Variants in HOMER2 observed in about 807,000 individuals in gnomAD.
HOMER2 encodes homer scaffold protein 2.
In HOMER2, 27 loss-of-function variants were observed where a neutral mutation model predicts 47.0. The observed-to-expected ratio is 0.57, with a 90% confidence interval of 0.42 to 0.79. HOMER2 has a LOEUF of 0.79. Ranked by LOEUF, HOMER2 falls within the 30% of genes least tolerant of loss-of-function variation. The pLI is 0.00. For synonymous variants in HOMER2, 161 were observed against 163.8 expected (o/e 0.98, Z 0.13); for missense variants, 443 against 435.0 (o/e 1.02, Z -0.16).
chr15:82,938,599 T>G (rs2054192136), intron 1 of HOMER2, among the ~76,000 whole-genome samples: 4 of 152,274 alleles, frequency 2.6e-5, no homozygotes, highest in Admixed American at 6.5e-5. Context: ...ATCCTCAACT[T>G]ATGAAACAAA....
chr15:82,911,149 C>T (rs998333580), intron 1 of HOMER2, among the ~76,000 whole-genome samples: 1 of 152,168 alleles, frequency 6.6e-6, no homozygotes, highest in African/African-American at 2.4e-5. Context: ...CTCAACCCTC[C>T]CATAGAGAAT....
At chr15:82,968,659 A>G (rs763614280) in intron 1 of HOMER2, among the ~76,000 whole-genome samples, 1 of 152,228 alleles carries the variant, frequency 6.6e-6, no homozygotes, top group Non-Finnish European at 1.5e-5. Context: ...CAGAACAAAA[A>G]GAGCTTTCCT....
chr15:82,952,507 A>AGCGCGCGGCGC, intron 1 of HOMER2, 24 bp downstream of exon 1: 1 of 1,186,414 alleles, frequency 8.4e-7, no homozygotes, highest in South Asian at 4.2e-5. Flanking sequence ...GCGCGCGGAG[A>AGCGCGCGGCGC]GCGCGCGGCG....
chr15:82,904,633 A>T (rs184791592), intron 1 of HOMER2, among the ~76,000 whole-genome samples: 1 of 152,316 alleles, frequency 6.6e-6, no homozygotes, highest in African/African-American at 2.4e-5. Context: ...AGCTAGAGGA[A>T]GGGAAATACC....
chr15:82,850,617 T>C (rs1237729049), intron 8 of HOMER2, among the ~76,000 whole-genome samples: 2 of 152,182 alleles, frequency 1.3e-5, no homozygotes, highest in Non-Finnish European at 2.9e-5. Flanking sequence ...TTTCTGAACA[T>C]GTGCACAGGA....
At chr15:82,973,400 A>C (rs140331372) in intron 1 of HOMER2, among the ~76,000 whole-genome samples, 204 of 152,292 alleles carry the variant, frequency 1.3e-3, no homozygotes, top group Non-Finnish European at 2.2e-3. Flanking sequence ...TAAGAGAGGG[A>C]TAATATGTAG....
chr15:82,841,933 T>A (rs1233253282), exon 2 of HOMER2: 1 of 152,200 alleles, frequency 6.6e-6, no homozygotes. Context: ...AAACATACTT[T>A]AGGAAAAAAC....
At chr15:82,980,287 C>G (rs1489950939) in intron 1 of HOMER2, among the ~76,000 whole-genome samples, 1 of 152,090 alleles carries the variant, frequency 6.6e-6, no homozygotes, top group Non-Finnish European at 1.5e-5. Flanking sequence ...CCATACACCC[C>G]ACAAGACAAT....
At position 82,983,166 on chromosome 15, in the gene HOMER2, G is replaced by T. The variant is rs2030452137; in HGVS notation, n.82+2621C>A. Among the ~76,000 whole-genome samples, 3 of 152,160 alleles carry T rather than the reference G, an allele frequency of 2.0e-5. No individual in the cohort carries two copies. In the South Asian group the frequency reaches 6.2e-4, roughly 31 times the overall value. On this transcript the variant is annotated intron_variant and non_coding_transcript_variant, in intron 1 of 1. Transcript: ENST00000500334. Reference sequence around the variant, plus strand: ...CACAAAGCTTATTTTATAATAAAATGTTGAATATCTCATATAATTTATTGA... The same window carrying T: ...CACAAAGCTTATTTTATAATAAAATTTTGAATATCTCATATAATTTATTGA...
intron 3 of HOMER2, among the ~76,000 whole-genome samples, chr15:82,874,135 C>T (rs1184406830): frequency 1.3e-5 from 2 of 152,212 alleles, no homozygotes; most frequent in African/African-American, 2.4e-5. Context: ...TCTCTGCATC[C>T]TCAGTGCTGA....
intron 3 of HOMER2, among the ~76,000 whole-genome samples, chr15:82,865,027 G>C (rs1180291620): frequency 6.6e-6 from 1 of 152,230 alleles, no homozygotes; most frequent in Non-Finnish European, 1.5e-5. Context: ...TTATTTCTGA[G>C]CACAGGCTAT....
chr15:82,861,719 T>C (rs914760443), intron 4 of HOMER2, among the ~76,000 whole-genome samples: 1 of 152,066 alleles, frequency 6.6e-6, no homozygotes, highest in African/African-American at 2.4e-5. Context: ...TTAAAAAGCA[T>C]ACAAGGGCCG....
intron 4 of HOMER2, among the ~76,000 whole-genome samples, chr15:82,863,791 C>T (rs1168321747): frequency 6.6e-6 from 1 of 152,174 alleles, no homozygotes; most frequent in Non-Finnish European, 1.5e-5. Context: ...CGGAGATGAA[C>T]ACAAGGGCTG....
In HOMER2 at chr15:82,965,096, C is replaced by T. The variant is rs76171137; in HGVS notation, n.83-5788G>A. Among the ~76,000 whole-genome samples, 730 of 152,200 alleles carry T rather than the reference C, an allele frequency of 4.8e-3. 4 individuals are homozygous for T. The highest frequency in any genetic ancestry group is 0.016 in the African/African-American group (647 of 41,516). On this transcript the variant is annotated intron_variant and non_coding_transcript_variant, in intron 1 of 1. Transcript: ENST00000500334. ...GTGCAGTGGTGCCATCCTAGCTCAC[C>T]GCAGTCCTGAACTCCTGGGCTCAAG...
intron 1 of HOMER2, among the ~76,000 whole-genome samples, chr15:82,983,287 G>A (rs1048913942): frequency 8.5e-5 from 13 of 152,174 alleles, no homozygotes; most frequent in Non-Finnish European, 1.6e-4. Flanking sequence ...TACAACAATC[G>A]TTAAGTCAAA....
intron 1 of HOMER2, among the ~76,000 whole-genome samples, chr15:82,977,580 G>C (rs543377069): frequency 6.6e-6 from 1 of 152,300 alleles, no homozygotes; most frequent in East Asian, 1.9e-4. Context: ...TCACTCTTAT[G>C]TTAATAAACA....
intron 1 of HOMER2, among the ~76,000 whole-genome samples, chr15:82,965,517 T>C (rs1365918221): frequency 1.3e-5 from 2 of 152,130 alleles, no homozygotes; most frequent in East Asian, 1.9e-4. Context: ...ACCATAAAAA[T>C]CACTTATTGG....
At chr15:82,942,934 G>A (rs2054296208) in intron 1 of HOMER2, among the ~76,000 whole-genome samples, 1 of 152,150 alleles carries the variant, frequency 6.6e-6, no homozygotes, top group African/African-American at 2.4e-5. Context: ...TCAGGACTGG[G>A]AGCAGAGTGA....
At chr15:82,858,933 C>G (rs1181635828) in intron 5 of HOMER2, 96 bp downstream of exon 5, 2 of 1,423,494 alleles carry the variant, frequency 1.4e-6, no homozygotes, top group Non-Finnish European at 1.9e-6. Context: ...TCCCAGTTTT[C>G]TCTCCCAATT....
Sources: gnomAD v4.1 joint callset for allele counts (sites outside exome capture counted in the v4.1 genomes callset) on GRCh38, gnomAD v4.1.1 for gene constraint, MANE v1.5 for transcripts, NCBI Gene and HGNC (gene_info 2026-07-23, HGNC 2026-07-21) for gene names.